CAPS2: variants seen among roughly 807,000 people sequenced by gnomAD.
CAPS2 encodes the protein calcyphosine 2, also known as calcyphosin-2.
CAPS2 carries 98 observed loss-of-function variants against 86.5 expected under a neutral mutation model. The observed-to-expected ratio is 1.13, with a 90% CI of 0.96 to 1.34. CAPS2 has a LOEUF of 1.34. Among genes scored for constraint, CAPS2 ranks in the 40% most tolerant of loss-of-function variants. The probability of loss-of-function intolerance (pLI) is 0.00; values close to 1 mark genes in which losing one functional copy is unlikely to be tolerated. For missense variants in CAPS2, 729 were observed against 686.8 expected, an observed-to-expected ratio of 1.06 and a Z score of -0.69; for synonymous variants, 210 against 225.1, an observed-to-expected ratio of 0.93 and a Z score of 0.60.
intron 1 of CAPS2, among the ~76,000 whole-genome samples, chr12:75,384,352 GA>G (rs1450698982): frequency 6.6e-6 from 1 of 152,090 alleles, no homozygotes; most frequent in African/African-American, 2.4e-5. Context: ...ACATTAAAAG[GA>G]TAACTGAGCA....
At chr12:75,390,814 GT>G (rs1378088617) in intron 1 of CAPS2, 2 of 585,876 alleles carry the variant, frequency 3.4e-6, no homozygotes, top group East Asian at 8.0e-5. Context: ...CACTACATTA[GT>G]TTAGTGAAAA....
intron 1 of CAPS2, chr12:75,363,033 C>T: frequency 1.5e-6 from 1 of 685,384 alleles, no homozygotes; most frequent in South Asian, 2.0e-5. Flanking sequence ...AAACAACTTG[C>T]ATACATGCAT....
chr12:75,330,769 C>G (rs1472915916), upstream of CAPS2, among the ~76,000 whole-genome samples: 1 of 151,108 alleles, frequency 6.6e-6, no homozygotes, highest in African/African-American at 2.4e-5. Context: ...AATCAAGAAA[C>G]CTGCATTTTA....
chr12:75,317,937 A>C (rs979324266), intron 5 of CAPS2, among the ~76,000 whole-genome samples: 6 of 152,112 alleles, frequency 3.9e-5, no homozygotes, highest in African/African-American at 1.4e-4. Context: ...GTAGTTCCTC[A>C]GAACTTATTT....
rs763691397 is a variant in CAPS2 at position 75,299,006 on chromosome 12, T to TA, written c.855-41dup. On this transcript the variant is annotated intron_variant, in intron 9 of 16. Coordinates refer to ENST00000393284, the Ensembl canonical transcript of CAPS2. ...TGAAATCAAACATCTTCAAATAGAATAATTTTTAGATGAATTAACTAAAAA... is the reference window on the plus strand; with the variant it reads ...TGAAATCAAACATCTTCAAATAGAATAAATTTTTAGATGAATTAACTAAAAA... 2.3e-6 allele frequency: 3 copies of TA among 1,312,844 alleles called. No individual in the cohort carries two copies. The Admixed American group carries it at 6.6e-5, about 29-fold the overall frequency. The allele number at this position is 1,312,844 out of a possible 1,614,324, so 81.3% of individuals were successfully genotyped here. A position where few individuals can be genotyped will look rare whatever the true frequency, so the allele number is the denominator to read the frequency against.
At chr12:75,351,553 T>G (rs1459488036) in intron 1 of CAPS2, among the ~76,000 whole-genome samples, 2 of 151,330 alleles carry the variant, frequency 1.3e-5, no homozygotes, top group East Asian at 1.9e-4. Flanking sequence ...TTGTTTTGTT[T>G]TTTTTTTTTT....
intron 5 of CAPS2, among the ~76,000 whole-genome samples, chr12:75,321,036 A>G (rs1294215694): frequency 6.6e-6 from 1 of 152,014 alleles, no homozygotes; most frequent in Admixed American, 6.6e-5. Flanking sequence ...TCACTTATCA[A>G]TTTTAAAATT....
chr12:75,388,207 T>C (rs1414030584), intron 1 of CAPS2, among the ~76,000 whole-genome samples: 1 of 152,202 alleles, frequency 6.6e-6, no homozygotes, highest in Non-Finnish European at 1.5e-5. Context: ...GTCTCTTGGC[T>C]GCCACCATGT....
chr12:75,359,355 G>GTTTTTTTTTTTTTTTTTTT (rs1463566931), intron 1 of CAPS2, among the ~76,000 whole-genome samples: 1 of 46,432 alleles, frequency 2.2e-5, no homozygotes, highest in Non-Finnish European at 4.2e-5. Context: ...CAGCATTGTT[G>GTTTTTTTTTTTTTTTTTTT]TCTTTTTTTT....
chr12:75,310,721 T>A (rs898691898), intron 7 of CAPS2, among the ~76,000 whole-genome samples: 3 of 152,108 alleles, frequency 2.0e-5, no homozygotes, highest in African/African-American at 4.8e-5. Context: ...TAATCTCAAC[T>A]GAACTAAGTC....
At chr12:75,325,369 A>T in intron 1 of CAPS2, 81 bp from the exon 3 acceptor site, 3 of 1,022,936 alleles carry the variant, frequency 2.9e-6, no homozygotes, top group Non-Finnish European at 4.2e-6. Context: ...CAATAAGTCA[A>T]TGCAATAAAG....
chr12:75,359,485 T>C (rs1593801213), intron 1 of CAPS2, among the ~76,000 whole-genome samples: 1 of 149,472 alleles, frequency 6.7e-6, no homozygotes, highest in Non-Finnish European at 1.5e-5. Flanking sequence ...CATGTGGAAG[T>C]GCAAAAATTT....
intron 1 of CAPS2, among the ~76,000 whole-genome samples, chr12:75,343,341 G>C (rs181438423): frequency 4.0e-4 from 61 of 151,994 alleles, no homozygotes; most frequent in African/African-American, 1.4e-3. Context: ...AATTATCAAT[G>C]AGTATTCATC....
chr12:75,289,389 G>A (rs1038039317), intron 14 of CAPS2, among the ~76,000 whole-genome samples: 2 of 152,160 alleles, frequency 1.3e-5, no homozygotes, highest in African/African-American at 4.8e-5. Flanking sequence ...ACAGTACAGA[G>A]TATTATCTCA....
rs577728945 is a variant in CAPS2, at chr12:75,290,369, C to T, written c.1241-594G>A. 5.9e-5 allele frequency among the ~76,000 whole-genome samples: 9 copies of T among 152,226 alleles called. No homozygotes were observed. In the South Asian group the frequency reaches 1.9e-3, roughly 32 times the overall value. ...TGTAGCTGTTATTTCACTTAATGCA[C>T]TTTGTACCATATTTACTTAAGAATA... On this transcript the variant is annotated intron_variant, in intron 13 of 16. Transcript: ENST00000393284.
At chr12:75,287,697 C>T (rs986830305) in intron 14 of CAPS2, among the ~76,000 whole-genome samples, 2 of 152,174 alleles carry the variant, frequency 1.3e-5, no homozygotes, top group African/African-American at 2.4e-5. Context: ...GCGTATTCAT[C>T]TCTTCATCTG....
intron 12 of CAPS2, 57 bp from the exon 13 acceptor site, chr12:75,291,877 G>T: frequency 1.2e-6 from 1 of 833,038 alleles, no homozygotes; most frequent in South Asian, 2.2e-5. Context: ...TTACAATCTT[G>T]AGTATAAAAC....
intron 1 of CAPS2, among the ~76,000 whole-genome samples, chr12:75,339,856 T>C (rs1425396644): frequency 6.6e-6 from 1 of 152,078 alleles, no homozygotes. Context: ...ATTTCTGAGA[T>C]TTTGGTGCAC....
At chr12:75,329,087 A>G (rs1806972380), upstream of CAPS2, among the ~76,000 whole-genome samples, 1 of 152,218 alleles carries the variant, frequency 6.6e-6, no homozygotes, top group African/African-American at 2.4e-5. Context: ...AATGTTTGCC[A>G]GTTATTGCAG....
Sources: gnomAD v4.1 joint callset for allele counts (sites outside exome capture counted in the v4.1 genomes callset) on GRCh38, gnomAD v4.1.1 for gene constraint, MANE v1.5 for transcripts, NCBI Gene and HGNC (gene_info 2026-07-23, HGNC 2026-07-21) for gene names.